Variants in MAGI2 observed in about 807,000 individuals in gnomAD.
MAGI2 encodes membrane associated guanylate kinase, WW and PDZ domain containing 2.
Under a neutral mutation model 133.3 loss-of-function variants are expected in MAGI2, and 35 were observed. The observed-to-expected ratio is 0.26, with a 90% CI of 0.20 to 0.35. The LOEUF is 0.35. MAGI2 is among the 10% of genes least tolerant of loss of function. The pLI, the probability that MAGI2 is intolerant of heterozygous loss-of-function variation, is 1.00. For synonymous variants in MAGI2, 729 were observed against 710.6 expected (o/e 1.03, Z -0.41); for missense variants, 1,636 against 1,863.4 (o/e 0.88, Z 2.25).
intron 10 of MAGI2, among the ~76,000 whole-genome samples, chr7:78,211,616 A>G (rs780374930): frequency 3.0e-4 from 45 of 152,210 alleles, no homozygotes; most frequent in Admixed American, 5.2e-4. Flanking sequence ...AAAGATAATA[A>G]CAAACTATTT....
intron 6 of MAGI2, among the ~76,000 whole-genome samples, chr7:78,477,174 GCA>G (rs1237557441): frequency 1.3e-5 from 2 of 151,852 alleles, no homozygotes; most frequent in Non-Finnish European, 2.9e-5. Context: ...GCATTGTTGA[GCA>G]AACCTAACCA....
intron 2 of MAGI2, among the ~76,000 whole-genome samples, chr7:78,676,688 A>T (rs554198646): frequency 6.6e-6 from 1 of 152,062 alleles, no homozygotes; most frequent in African/African-American, 2.4e-5. Context: ...TATTTTTATT[A>T]TTTTTAAAAA....
intron 2 of MAGI2, among the ~76,000 whole-genome samples, chr7:78,681,991 A>AT (rs147903173): frequency 0.011 from 1,631 of 150,530 alleles, 5 homozygotes; most frequent in South Asian, 0.019. Context: ...GACCAAGTAA[A>AT]TTTTTTTTTT....
intron 7 of MAGI2, among the ~76,000 whole-genome samples, chr7:78,348,671 A>C (rs1791174260): frequency 6.6e-6 from 1 of 152,196 alleles, no homozygotes; most frequent in African/African-American, 2.4e-5. Flanking sequence ...AAATAATCCA[A>C]TTACATTCTT....
intron 1 of MAGI2, among the ~76,000 whole-genome samples, chr7:79,186,859 C>G (rs1365185447): frequency 6.7e-6 from 1 of 148,346 alleles, no homozygotes; most frequent in Non-Finnish European, 1.5e-5. Flanking sequence ...TAATATATCA[C>G]CTGGATATTC....
chr7:78,166,343 C>A (rs1002404417), intron 15 of MAGI2, among the ~76,000 whole-genome samples: 1 of 152,168 alleles, frequency 6.6e-6, no homozygotes, highest in African/African-American at 2.4e-5. Context: ...GAACATACAG[C>A]ACAGCAAACT....
intron 1 of MAGI2, among the ~76,000 whole-genome samples, chr7:79,296,035 T>C (rs1438487922): frequency 6.6e-6 from 1 of 152,214 alleles, no homozygotes; most frequent in Non-Finnish European, 1.5e-5. Flanking sequence ...CATTCAGGAT[T>C]TAACTTTCCT....
intron 3 of MAGI2, among the ~76,000 whole-genome samples, chr7:78,544,413 GT>G (rs1426821479): frequency 1.3e-5 from 2 of 152,232 alleles, no homozygotes; most frequent in East Asian, 3.9e-4. Flanking sequence ...GCAGCCAAAA[GT>G]TTTTTGGCAA....
In MAGI2 at chr7:78,631,316, G is replaced by A. The variant is rs530050971; in HGVS notation, c.419-4077C>T. On this transcript the variant is annotated intron_variant, in intron 2 of 21. Coordinates refer to ENST00000354212, the MANE Select transcript of MAGI2 (RefSeq NM_012301.4). Reference sequence around the variant, plus strand: ...TCTCCAAATATTTGGCAAGTTCTATGTCCCATATCTCCACAACATCATCCT... The same window carrying A: ...TCTCCAAATATTTGGCAAGTTCTATATCCCATATCTCCACAACATCATCCT... Among the ~76,000 whole-genome samples the A allele has an allele frequency of 1.3e-4, 20 of 152,108 alleles. 1 individual carries two copies. In the South Asian group the frequency reaches 4.2e-3, roughly 32 times the overall value.
intron 1 of MAGI2, among the ~76,000 whole-genome samples, chr7:79,449,304 G>A (rs1849071473): frequency 6.6e-6 from 1 of 151,038 alleles, no homozygotes; most frequent in Non-Finnish European, 1.5e-5. Flanking sequence ...CTCTAAAACT[G>A]AATTTCAAAG....
chr7:78,469,817 C>T (rs1206091866), intron 6 of MAGI2, among the ~76,000 whole-genome samples: 1 of 152,096 alleles, frequency 6.6e-6, no homozygotes. Flanking sequence ...ATTTTCCTTC[C>T]CCTCATCTTT....
chr7:78,368,070 C>T (rs1202188882), intron 7 of MAGI2, among the ~76,000 whole-genome samples: 1 of 152,116 alleles, frequency 6.6e-6, no homozygotes, highest in Admixed American at 6.6e-5. Context: ...CTGGAAATGA[C>T]TGTGGAGCCA....
chr7:79,451,848 C>A (rs1480794868), intron 1 of MAGI2, among the ~76,000 whole-genome samples: 1 of 152,100 alleles, frequency 6.6e-6, no homozygotes, highest in Non-Finnish European at 1.5e-5. Context: ...TCCATACATA[C>A]CGCACACGAA....
At chr7:78,658,250 G>A (rs775795285) in intron 2 of MAGI2, among the ~76,000 whole-genome samples, 3 of 151,914 alleles carry the variant, frequency 2.0e-5, no homozygotes, top group Non-Finnish European at 4.4e-5. Flanking sequence ...AACAAATGGT[G>A]CTTGAGCAAC....
chr7:78,398,366 T>C (rs900280718), intron 6 of MAGI2, among the ~76,000 whole-genome samples: 7 of 152,152 alleles, frequency 4.6e-5, no homozygotes, highest in Non-Finnish European at 1.0e-4. Flanking sequence ...CTGTGCCTCA[T>C]ATCAACTGTC....
chr7:79,228,332 G>T (rs1371109762), intron 1 of MAGI2, among the ~76,000 whole-genome samples: 1 of 32,622 alleles, frequency 3.1e-5, no homozygotes, highest in African/African-American at 8.3e-5. Context: ...GACAGAGCAA[G>T]ACCCTGTCTC....
At chr7:78,305,384 G>A (rs1291333161) in intron 9 of MAGI2, among the ~76,000 whole-genome samples, 2 of 152,154 alleles carry the variant, frequency 1.3e-5, no homozygotes, top group South Asian at 2.1e-4. Context: ...GTGAGACAGC[G>A]AGCGTGTCTA....
intron 20 of MAGI2, among the ~76,000 whole-genome samples, chr7:78,112,121 C>T (rs1819422154): frequency 6.6e-6 from 1 of 152,206 alleles, no homozygotes; most frequent in Admixed American, 6.5e-5. Flanking sequence ...TTGGTATATT[C>T]TGCTAAGCTC....
At chr7:78,363,292 G>A (rs1234528455) in intron 7 of MAGI2, among the ~76,000 whole-genome samples, 3 of 152,148 alleles carry the variant, frequency 2.0e-5, no homozygotes, top group African/African-American at 7.2e-5. Context: ...AGGAGATTGA[G>A]ACCATCCTGG....
Sources: allele counts gnomAD v4.1 joint callset (sites outside exome capture counted in the v4.1 genomes callset), GRCh38; gene constraint gnomAD v4.1.1; transcripts MANE v1.5; gene names NCBI Gene and HGNC (gene_info 2026-07-23, HGNC 2026-07-21).